Variants in NFIX observed in about 807,000 individuals in gnomAD.
The protein encoded by NFIX is nuclear factor I X.
A neutral mutation model predicts 53.3 loss-of-function variants in NFIX; 2 were observed. The observed-to-expected ratio is 0.04, with a 90% confidence interval of 0.02 to 0.12. NFIX has a LOEUF of 0.12. NFIX is among the 10% of genes least tolerant of loss of function. The pLI, the probability that NFIX is intolerant of heterozygous loss-of-function variation, is 1.00. For missense variants in NFIX, 310 were observed against 674.5 expected, an observed-to-expected ratio of 0.46 and a Z score of 5.99; for synonymous variants, 244 against 289.0, an observed-to-expected ratio of 0.84 and a Z score of 1.58.
intron 7 of NFIX, among the ~76,000 whole-genome samples, chr19:13,080,246 G>GT (rs997379142): frequency 6.6e-6 from 1 of 152,138 alleles, no homozygotes; most frequent in African/African-American, 2.4e-5. Context: ...GCAAACACCA[G>GT]TTTTTTTGTT....
intron 2 of NFIX, among the ~76,000 whole-genome samples, chr19:13,030,219 C>A (rs1210233016): frequency 1.3e-5 from 2 of 152,218 alleles, no homozygotes; most frequent in Non-Finnish European, 2.9e-5. Flanking sequence ...TATCTTTTAA[C>A]CCAATGTAGG....
chr19:13,041,566 G>A (rs1417419318), intron 2 of NFIX, among the ~76,000 whole-genome samples: 1 of 152,128 alleles, frequency 6.6e-6, no homozygotes, highest in Non-Finnish European at 1.5e-5. Context: ...GGAGGCCGAG[G>A]CAGGCAGATC....
At position 13,043,059 on chromosome 19, in the gene NFIX, A is replaced by G. The variant is rs2014747223; in HGVS notation, c.559+17507A>G. On this transcript the variant is annotated intron_variant, in intron 2 of 10. Transcript: ENST00000592199. This position sits in a 1 kb window ranked among gnomAD's most constrained non-coding sequence, Gnocchi z 4.0. Reference sequence around the variant, plus strand: ...GTACATTGCACATACATGTCATGTCAGGATGCACTTTTACAAGTCAAGTCT... The same window carrying G: ...GTACATTGCACATACATGTCATGTCGGGATGCACTTTTACAAGTCAAGTCT... Among the ~76,000 whole-genome samples, 1 of 150,594 alleles carries G rather than the reference A, an allele frequency of 6.6e-6. No homozygotes were observed. The highest frequency in any genetic ancestry group is 2.5e-5 in the African/African-American group (1 of 39,862).
At chr19:13,059,410 C>T (rs10423956) in intron 2 of NFIX, among the ~76,000 whole-genome samples, 15,950 of 152,280 alleles carry the variant, frequency 0.1, 1,601 homozygotes, top group African/African-American at 0.26. Context: ...CTCCCTTCTC[C>T]CACTTGCATT....
intron 1 of NFIX, among the ~76,000 whole-genome samples, chr19:13,019,356 T>A (rs2012836878): frequency 1.3e-5 from 2 of 152,194 alleles, no homozygotes; most frequent in Non-Finnish European, 2.9e-5. Context: ...AGTGGACAGG[T>A]CTGTTGTGTA....
At chr19:13,059,592 C>G (rs891106578) in intron 2 of NFIX, among the ~76,000 whole-genome samples, 3 of 152,156 alleles carry the variant, frequency 2.0e-5, no homozygotes, top group Non-Finnish European at 4.4e-5. Flanking sequence ...AGTGGACACA[C>G]TTCTTGGCCA....
chr19:13,057,818 T>C (rs1160351284), intron 2 of NFIX, among the ~76,000 whole-genome samples: 1 of 151,764 alleles, frequency 6.6e-6, no homozygotes, highest in Non-Finnish European at 1.5e-5. Context: ...GCCCCTCCCT[T>C]CCTCCCTCCC....
At chr19:13,029,044 C>T (rs1229481578) in intron 2 of NFIX, among the ~76,000 whole-genome samples, 1 of 152,170 alleles carries the variant, frequency 6.6e-6, no homozygotes, top group African/African-American at 2.4e-5. Flanking sequence ...CCACGAAGTC[C>T]AGGTATTTGA....
chr19:13,030,053 C>T (rs1457710437), intron 2 of NFIX, among the ~76,000 whole-genome samples: 1 of 152,196 alleles, frequency 6.6e-6, no homozygotes, highest in African/African-American at 2.4e-5. Flanking sequence ...GGTCCACCCC[C>T]ACCATGGACC....
At chr19:13,035,711 C>T (rs1380075473) in intron 2 of NFIX, among the ~76,000 whole-genome samples, 3 of 152,166 alleles carry the variant, frequency 2.0e-5, no homozygotes, top group Non-Finnish European at 2.9e-5. Context: ...GAGACAACTT[C>T]ACTTCGCAGA....
At position 13,009,713 on chromosome 19, in the gene NFIX, A is replaced by G. The variant is rs2012226135; in HGVS notation, c.27+13849A>G. ...CCCCACCAAATGCTACTTGGCTCCA[A>G]GTGGGGTACTGATGGGCACTGAAAA... On this transcript the variant is annotated intron_variant, in intron 1 of 10. Coordinates refer to ENST00000592199, the MANE Select transcript of NFIX (RefSeq NM_001365902.3). The surrounding 1 kb of genome is among the most constrained non-coding windows in gnomAD (Gnocchi z 4.7). Among the ~76,000 whole-genome samples the G allele has an allele frequency of 6.6e-6, 1 of 152,176 alleles. No individual in the cohort carries two copies. Among genetic ancestry groups the G allele is most frequent in the Non-Finnish European group, 1.5e-5 (1 of 68,026 alleles).
chr19:13,009,747 G>A lies in NFIX; in HGVS notation c.27+13883G>A, dbSNP rs1415683548. On this transcript the variant is annotated intron_variant, in intron 1 of 10. Coordinates refer to ENST00000592199, the MANE Select transcript of NFIX (RefSeq NM_001365902.3). The surrounding 1 kb of genome is among the most constrained non-coding windows in gnomAD (Gnocchi z 4.7). ...CTGATGGGCACTGAAAAACCGATGG[G>A]CAGTGAGGGCTATCAGAGGGGCAAC... 6.6e-6 allele frequency among the ~76,000 whole-genome samples: 1 copy of A among 152,210 alleles called. No individual in the cohort carries two copies. Among genetic ancestry groups the A allele is most frequent in the Non-Finnish European group, 1.5e-5 (1 of 68,038 alleles).
At chr19:13,029,604 A>G (rs1029729300) in intron 2 of NFIX, among the ~76,000 whole-genome samples, 18 of 152,162 alleles carry the variant, frequency 1.2e-4, no homozygotes, top group Admixed American at 2.0e-4. Flanking sequence ...TGGACTCTGC[A>G]GGCTGCGCTG....
At position 13,090,810 on chromosome 19, in the gene NFIX, CG is replaced by C. The variant is rs2018089223; in HGVS notation, c.1494+423del. ...CCCTGGCGTTGGGTGGGCTGGGTGA[CG>C]GGTGGAGGAGGGACAGAGGGCCTGG... On this transcript the variant is annotated intron_variant, in intron 10 of 10. Coordinates refer to ENST00000592199, the MANE Select transcript of NFIX (RefSeq NM_001365902.3). The surrounding 1 kb of genome is among the most constrained non-coding windows in gnomAD (Gnocchi z 6.6). 6.6e-6 allele frequency among the ~76,000 whole-genome samples: 1 copy of C among 152,102 alleles called. No individual in the cohort carries two copies.
chr19:13,023,031 G>C (rs942520951), intron 1 of NFIX, among the ~76,000 whole-genome samples: 25 of 150,334 alleles, frequency 1.7e-4, no homozygotes, highest in African/African-American at 6.2e-4. Flanking sequence ...GGCTGCTCGT[G>C]GATGTCTCTT....
Position 13,068,804 on chromosome 19 carries a change from A to C in NFIX, c.560-4243A>C, listed in dbSNP as rs1482794506. Among the ~76,000 whole-genome samples, 5 of 152,332 alleles carry C rather than the reference A, an allele frequency of 3.3e-5. No individual in the cohort carries two copies. The East Asian group carries it at 9.6e-4, about 29-fold the overall frequency. On this transcript the variant is annotated intron_variant, in intron 2 of 10. Coordinates refer to ENST00000592199, the MANE Select transcript of NFIX (RefSeq NM_001365902.3). The surrounding 1 kb of genome is among the most constrained non-coding windows in gnomAD (Gnocchi z 4.2). ...GGCAGGGGAGGCCTCTGCCTCAGAG[A>C]CATGGATCTCACGAGTAGCCCAGGT...
At chr19:13,086,922 G>T (rs2145497589) in intron 8 of NFIX, among the ~76,000 whole-genome samples, 1 of 152,250 alleles carries the variant, frequency 6.6e-6, no homozygotes, top group East Asian at 1.9e-4. Context: ...TCACCGATAG[G>T]AGGAGGAGCA....
At chr19:12,997,386 GA>G (rs1318846925) in intron 1 of NFIX, among the ~76,000 whole-genome samples, 1 of 152,228 alleles carries the variant, frequency 6.6e-6, no homozygotes, top group African/African-American at 2.4e-5. Context: ...TTTTCCTGTA[GA>G]AAGCAGGCCC....
chr19:13,065,641 CA>C (rs1568308210), intron 2 of NFIX, among the ~76,000 whole-genome samples: 2 of 152,090 alleles, frequency 1.3e-5, no homozygotes, highest in Non-Finnish European at 2.9e-5. Context: ...TGTTGTGCAC[CA>C]GGGGCATATC....
Sources: gnomAD v4.1 joint callset for allele counts (sites outside exome capture counted in the v4.1 genomes callset) on GRCh38, gnomAD v4.1.1 for gene constraint, Gnocchi (gnomAD v3.1) non-coding constraint, MANE v1.5 for transcripts, NCBI Gene and HGNC (gene_info 2026-07-23, HGNC 2026-07-21) for gene names.